LOXL2: variants seen among roughly 807,000 people sequenced by gnomAD.
LOXL2 encodes the protein lysyl oxidase homolog 2.
A neutral mutation model predicts 93.0 loss-of-function variants in LOXL2; 70 were observed. The observed-to-expected ratio is 0.75, with a 90% confidence interval of 0.62 to 0.92. The LOEUF (loss-of-function observed/expected upper bound fraction) is 0.92. Ranked by LOEUF, LOXL2 falls within the 40% of genes least tolerant of loss-of-function variation. The probability of loss-of-function intolerance (pLI) is 0.00; values close to 1 mark genes in which losing one functional copy is unlikely to be tolerated. For missense variants in LOXL2, 973 were observed against 1,054.9 expected, an observed-to-expected ratio of 0.92 and a Z score of 1.08; for synonymous variants, 438 against 413.2, an observed-to-expected ratio of 1.06 and a Z score of -0.73.
rs1486204239 is a variant in LOXL2 at position 23,333,478 on chromosome 8, C to G, written c.889G>C (p.Ala297Pro). Residue 297 changes from alanine (A) to proline (P), a missense_variant, in exon 5 of 14, where the codon GCC becomes CCC. Transcript: ENST00000389131. Reference sequence around the variant, plus strand: ...TGCCCAGGCACACAACTCACCACGGCCGGTAGCCCATTCTCGCAGGTGACA... The same window carrying G: ...TGCCCAGGCACACAACTCACCACGGGCGGTAGCCCATTCTCGCAGGTGACA... ...KNVTCENGLP[A>P]VVSCVPGQVF... 1.2e-6 allele frequency: 2 copies of G among 1,613,878 alleles called. No individual in the cohort carries two copies. The highest frequency in any genetic ancestry group is 1.7e-6 in the Non-Finnish European group (2 of 1,180,054).
chr8:23,401,866 C>T (rs1800155168), intron 1 of LOXL2, among the ~76,000 whole-genome samples: 1 of 152,242 alleles, frequency 6.6e-6, no homozygotes, highest in Non-Finnish European at 1.5e-5. Flanking sequence ...AAATGTCAGC[C>T]AATGTGTGGT....
intron 3 of LOXL2, among the ~76,000 whole-genome samples, chr8:23,350,704 T>G (rs1164026324): frequency 1.3e-5 from 2 of 152,218 alleles, no homozygotes; most frequent in African/African-American, 4.8e-5. Flanking sequence ...CCTGGAGAGC[T>G]GAGGTCATGC....
chr8:23,328,651 C>T, intron 5 of LOXL2, 86 bp from the exon 6 acceptor site: 1 of 1,325,022 alleles, frequency 7.5e-7, no homozygotes, highest in Non-Finnish European at 1.1e-6. Context: ...CCTTCCCTGC[C>T]ACCCTGTTCC....
intron 9 of LOXL2, 83 bp from the exon 10 acceptor site, chr8:23,309,994 C>G: frequency 2.9e-6 from 4 of 1,372,804 alleles, no homozygotes; most frequent in Non-Finnish European, 3.8e-6. Flanking sequence ...TGGGACAAAC[C>G]CCCTCTCCTG....
intron 1 of LOXL2, among the ~76,000 whole-genome samples, chr8:23,373,674 G>A (rs1804539320): frequency 6.6e-6 from 1 of 152,196 alleles, no homozygotes; most frequent in Non-Finnish European, 1.5e-5. Flanking sequence ...TTCACTTGAT[G>A]TGGTAGGCAC....
chr8:23,402,254 C>T (rs73226429), intron 1 of LOXL2, among the ~76,000 whole-genome samples: 19,218 of 152,194 alleles, frequency 0.13, 1,420 homozygotes, highest in Admixed American at 0.18. Flanking sequence ...CAAACACACT[C>T]GTGTGGAGAC....
intron 1 of LOXL2, among the ~76,000 whole-genome samples, chr8:23,387,259 C>G (rs1804778793): frequency 2.0e-5 from 3 of 152,240 alleles, no homozygotes; most frequent in Admixed American, 2.0e-4. Flanking sequence ...AACATTCACA[C>G]AGATGATTCT....
chr8:23,328,891 G>A (rs185534096), intron 5 of LOXL2: 66 of 235,416 alleles, frequency 2.8e-4, no homozygotes, highest in African/African-American at 1.1e-3. Context: ...CAACCTTTGC[G>A]TGGCACAAGG....
intron 10 of LOXL2, among the ~76,000 whole-genome samples, chr8:23,307,033 C>T (rs1346146711): frequency 6.6e-6 from 1 of 152,344 alleles, no homozygotes; most frequent in African/African-American, 2.4e-5. Context: ...CCCGAGGTAG[C>T]GTCAATTAAA....
rs146073991 is a variant in LOXL2, at chr8:23,317,044, G to A, written c.1541C>T (p.Thr514Met). 5.4e-5 allele frequency: 87 copies of A among 1,614,174 alleles called. No homozygotes were observed. The African/African-American group carries it at 9.5e-4, about 18-fold the overall frequency. ...VVMSGVKCSG[T>M]ELSLAHCRHD... ...GCGGCAGTGCGCCAGGGACAGCTCC[G>A]TTCCCGAGCACTTCACTCCACTCAT... The change falls in exon 9 of 14, where the codon ACG (threonine) becomes ATG (methionine). Residue 514 changes from threonine (T) to methionine (M), a missense_variant. Thr to Met is a moderately conservative substitution (Grantham distance 81). Coordinates refer to ENST00000389131, the MANE Select transcript of LOXL2 (RefSeq NM_002318.3).
chr8:23,301,652 G>A (rs529076874), intron 12 of LOXL2, among the ~76,000 whole-genome samples: 1 of 152,306 alleles, frequency 6.6e-6, no homozygotes, highest in East Asian at 1.9e-4. Flanking sequence ...AGGGCACTAG[G>A]AGAAATGGGG....
chr8:23,328,300 A>T (rs777739379), intron 6 of LOXL2, 82 bp downstream of exon 6: 168 of 1,457,774 alleles, frequency 1.2e-4, no homozygotes, highest in Non-Finnish European at 1.4e-4. Context: ...ATTTCCCGAG[A>T]GCTCACGGCC....
At chr8:23,381,778 G>A (rs1376718508) in intron 1 of LOXL2, among the ~76,000 whole-genome samples, 1 of 152,232 alleles carries the variant, frequency 6.6e-6, no homozygotes, top group Non-Finnish European at 1.5e-5. Context: ...AGGTCAGGAT[G>A]GGGACGGCGA....
chr8:23,384,301 C>G (rs1410964063), intron 1 of LOXL2, among the ~76,000 whole-genome samples: 5 of 152,208 alleles, frequency 3.3e-5, no homozygotes, highest in Admixed American at 3.3e-4. Context: ...GCCAGCTCAG[C>G]TGCACACACC....
At chr8:23,396,472 G>T (rs1800090744) in intron 1 of LOXL2, among the ~76,000 whole-genome samples, 2 of 152,184 alleles carry the variant, frequency 1.3e-5, no homozygotes, top group Admixed American at 6.5e-5. Context: ...TGCCAGAAAG[G>T]CAGGAGTTCT....
Position 23,360,205 on chromosome 8 carries a change from G to T in LOXL2, c.416C>A (p.Thr139Asn). 6.2e-7 allele frequency: 1 copy of T among 1,614,086 alleles called. No homozygotes were observed. The highest frequency in any genetic ancestry group is 8.5e-7 in the Non-Finnish European group (1 of 1,179,946). The part of the protein sequence containing the change: ...TGNEATLAAC[T>N]SNGWGVTDCK... Reference sequence around the variant, plus strand: ...GTCAGTGACGCCCCAGCCATTGGAGGTGCATGCTGCAAGGGTCGCCTCGTT... The same window carrying T: ...GTCAGTGACGCCCCAGCCATTGGAGTTGCATGCTGCAAGGGTCGCCTCGTT... The change falls in exon 3 of 14, where the codon ACC becomes AAC. Residue 139 changes from threonine to asparagine, a missense_variant. Transcript: ENST00000389131.
chr8:23,326,906 C>T (rs987761989), intron 6 of LOXL2, among the ~76,000 whole-genome samples: 3 of 152,208 alleles, frequency 2.0e-5, no homozygotes, highest in Non-Finnish European at 2.9e-5. Flanking sequence ...GACTGGAGAA[C>T]AGAGGCAGAG....
At chr8:23,316,894 G>A in intron 9 of LOXL2, 55 bp downstream of exon 9, 2 of 1,457,162 alleles carry the variant, frequency 1.4e-6, no homozygotes. Flanking sequence ...GGAATAACTG[G>A]TGGGACTCTG....
At chr8:23,321,075 TC>T (rs1246154614) in intron 7 of LOXL2, among the ~76,000 whole-genome samples, 3 of 74,984 alleles carry the variant, frequency 4.0e-5, no homozygotes, top group African/African-American at 1.2e-4. Flanking sequence ...GTTTTATCTC[TC>T]GTCTCTCTCC....
Sources: allele counts gnomAD v4.1 joint callset (sites outside exome capture counted in the v4.1 genomes callset), GRCh38; gene constraint gnomAD v4.1.1; transcripts MANE v1.5; gene names NCBI Gene and HGNC (gene_info 2026-07-23, HGNC 2026-07-21).